The following DGCR2 variants were observed in gnomAD, a reference collection of about 807,000 sequenced individuals.
DGCR2 encodes the protein DiGeorge syndrome critical region gene 2.
DGCR2 carries 24 observed loss-of-function variants against 51.6 expected under a neutral mutation model. That is an observed-to-expected ratio of 0.47 (90% CI 0.34 to 0.65). The LOEUF (loss-of-function observed/expected upper bound fraction) is 0.65, where lower values mean the gene tolerates loss of function less well. Among genes scored for constraint, DGCR2 ranks in the 30% least tolerant of loss-of-function variants. The pLI is 0.01. For missense variants in DGCR2, 765 were observed against 772.1 expected (o/e 0.99, Z 0.11); for synonymous variants, 340 against 315.4 (o/e 1.08, Z -0.82).
chr22:19,048,634 CAT>C lies in DGCR2; in HGVS notation c.810_811del (p.Val272Ter), dbSNP rs765637605. 43 of 1,614,118 alleles carry C rather than the reference CAT, an allele frequency of 2.7e-5. No individual in the cohort carries two copies. Among genetic ancestry groups the C allele is most frequent in the South Asian group, 2.2e-5 (2 of 91,094 alleles). ...CACCACGTTGTCCTTGATGTCAACA[CAT>C]GTTTGACCTGCAATGAGCATACATT... On this transcript the variant is annotated frameshift_variant, in exon 7 of 10. Transcript: ENST00000263196. LOFTEE classifies it high-confidence loss of function.
chr22:19,114,375 T>C (rs2083351651), intron 1 of DGCR2, among the ~76,000 whole-genome samples: 1 of 152,274 alleles, frequency 6.6e-6, no homozygotes, highest in Non-Finnish European at 1.5e-5. Context: ...CTTACCATGC[T>C]GGTCTAGCAG....
Position 19,037,619 on chromosome 22 carries a change from T to C in DGCR2, c.*1246A>G, listed in dbSNP as rs2082384752. Reference sequence around the variant, plus strand: ...ACATACACACACAGAGACACAAACATACAAAGGAAAGATCCAGACATTCAA... The same window carrying C: ...ACATACACACACAGAGACACAAACACACAAAGGAAAGATCCAGACATTCAA... On this transcript the variant is annotated 3_prime_UTR_variant, in exon 10 of 10. Transcript: ENST00000263196. The C allele has an allele frequency of 6.6e-6, 1 of 151,966 alleles. No individual in the cohort carries two copies. Among genetic ancestry groups the C allele is most frequent in the Non-Finnish European group, 1.5e-5 (1 of 68,012 alleles). 9.4% of individuals were successfully genotyped at this position (151,966 alleles called of 1,614,324 possible).
chr22:19,084,161 G>T (rs545045271), intron 2 of DGCR2, among the ~76,000 whole-genome samples: 1,746 of 152,232 alleles, frequency 0.011, 39 homozygotes, highest in African/African-American at 0.04. Flanking sequence ...GAAGTGAGGA[G>T]TGTCTCTGCC....
chr22:19,115,767 G>A (rs1414382228), intron 1 of DGCR2, among the ~76,000 whole-genome samples: 2 of 152,174 alleles, frequency 1.3e-5, no homozygotes, highest in Non-Finnish European at 2.9e-5. Flanking sequence ...GTCATACGCA[G>A]TCCCTCTGAT....
At chr22:19,111,969 A>G (rs2083320516) in intron 1 of DGCR2, among the ~76,000 whole-genome samples, 1 of 151,856 alleles carries the variant, frequency 6.6e-6, no homozygotes. Flanking sequence ...AAAAATAATT[A>G]TTTTTAAAAT....
intron 6 of DGCR2, among the ~76,000 whole-genome samples, chr22:19,050,265 C>T (rs913290241): frequency 2.0e-5 from 3 of 152,146 alleles, no homozygotes; most frequent in South Asian, 2.1e-4. Context: ...TAAGGGAACC[C>T]CAATAAGACA....
chr22:19,067,447 C>T (rs1462825450), intron 3 of DGCR2, among the ~76,000 whole-genome samples: 2 of 152,068 alleles, frequency 1.3e-5, no homozygotes, highest in Non-Finnish European at 2.9e-5. Flanking sequence ...AATCCTAGCA[C>T]TTTGGGAGGC....
rs932828967 is a variant in DGCR2, at chr22:19,044,352, G to A, written c.1007-2393C>T. ...AGCTATCCTGCAGCTCCCAGAGAGA[G>A]GATCCAGCCTGTGCAAGAAGAGCTC... On this transcript the variant is annotated intron_variant, in intron 7 of 9. Coordinates refer to ENST00000263196, the MANE Select transcript of DGCR2 (RefSeq NM_005137.3). Among the ~76,000 whole-genome samples, 55 of 152,208 alleles carry A rather than the reference G, an allele frequency of 3.6e-4. 2 individuals are homozygous for A. The highest frequency in any genetic ancestry group is 1.5e-5 in the Non-Finnish European group (1 of 68,040).
intron 2 of DGCR2, among the ~76,000 whole-genome samples, chr22:19,074,348 C>T (rs553318714): frequency 4.6e-5 from 7 of 150,956 alleles, no homozygotes; most frequent in Non-Finnish European, 1.0e-4. Flanking sequence ...ATCGATTGAG[C>T]CTAGGAGGTT....
At chr22:19,058,857 G>A (rs2082630670) in intron 5 of DGCR2, among the ~76,000 whole-genome samples, 1 of 152,226 alleles carries the variant, frequency 6.6e-6, no homozygotes, top group Non-Finnish European at 1.5e-5. Context: ...CTCTAGGCCA[G>A]GGCCCAGAGA....
intron 7 of DGCR2, chr22:19,046,979 T>C (rs576794997): frequency 6.3e-6 from 1 of 159,352 alleles, no homozygotes; most frequent in South Asian, 1.6e-4. Flanking sequence ...CCAGGTAGCA[T>C]GGCTTGTGAA....
chr22:19,048,339 A>G (rs774733434), intron 7 of DGCR2, 101 bp downstream of exon 7: 9 of 1,294,950 alleles, frequency 7.0e-6, no homozygotes, highest in Non-Finnish European at 9.9e-6. Flanking sequence ...GCGATGCTCC[A>G]TAAACTCTCC....
At position 19,041,048 on chromosome 22, in the gene DGCR2, A is replaced by G; in HGVS notation, c.1396+10T>C. 6.4e-7 allele frequency: 1 copy of G among 1,571,478 alleles called. No individual in the cohort carries two copies. Among genetic ancestry groups the G allele is most frequent in the Non-Finnish European group, 8.7e-7 (1 of 1,153,506 alleles). Reference sequence around the variant, plus strand: ...GACAAGGTGTTCCCTCTCCCTGGGGAGTCAGGCACCTGCAGGGTCATAGAA... The same window carrying G: ...GACAAGGTGTTCCCTCTCCCTGGGGGGTCAGGCACCTGCAGGGTCATAGAA... On this transcript the variant is annotated intron_variant, in intron 9 of 9. Transcript: ENST00000263196.
intron 1 of DGCR2, among the ~76,000 whole-genome samples, chr22:19,110,750 T>C (rs1256454084): frequency 6.6e-6 from 1 of 152,154 alleles, no homozygotes; most frequent in Non-Finnish European, 1.5e-5. Flanking sequence ...TGCCCATGTT[T>C]CAAATACCCA....
chr22:19,117,034 C>G (rs546360823), intron 1 of DGCR2, among the ~76,000 whole-genome samples: 1 of 152,056 alleles, frequency 6.6e-6, no homozygotes, highest in African/African-American at 2.4e-5. Flanking sequence ...TAAGAGGACA[C>G]GTGCACAGCT....
chr22:19,089,704 C>A (rs974197595), intron 1 of DGCR2, among the ~76,000 whole-genome samples: 29 of 152,266 alleles, frequency 1.9e-4, no homozygotes, highest in African/African-American at 7.0e-4. Context: ...CCTCAGCCTC[C>A]TGAGTAGCTG....
intron 3 of DGCR2, chr22:19,065,954 G>C (rs2082743339): frequency 8.1e-6 from 1 of 124,218 alleles, no homozygotes; most frequent in Admixed American, 7.8e-5. Context: ...TATTATGTAA[G>C]CATGTGTGTG....
At chr22:19,076,174 T>G (rs146277149) in intron 2 of DGCR2, among the ~76,000 whole-genome samples, 342 of 152,158 alleles carry the variant, frequency 2.2e-3, no homozygotes, top group Middle Eastern at 0.01. Context: ...CTTTATTTTT[T>G]GGGGGGGAAG....
chr22:19,081,661 CA>C (rs2082937760), intron 2 of DGCR2, among the ~76,000 whole-genome samples: 1 of 152,180 alleles, frequency 6.6e-6, no homozygotes, highest in South Asian at 2.1e-4. Flanking sequence ...ACTGTACAAA[CA>C]ATTCTGCAAG....
Sources: gnomAD v4.1 joint callset for allele counts (sites outside exome capture counted in the v4.1 genomes callset) on GRCh38, gnomAD v4.1.1 for gene constraint, MANE v1.5 for transcripts, NCBI Gene and HGNC (gene_info 2026-07-23, HGNC 2026-07-21) for gene names.